The following ILDR2 variants were observed in gnomAD, a reference collection of about 807,000 sequenced individuals.
ILDR2 encodes immunoglobulin-like domain-containing receptor 2.
ILDR2 carries 25 observed loss-of-function variants against 66.8 expected under a neutral mutation model. The observed-to-expected ratio is 0.37, with a 90% CI of 0.27 to 0.52. ILDR2 has a LOEUF of 0.52. Among genes scored for constraint, ILDR2 ranks in the 20% least tolerant of loss-of-function variants. ILDR2 has a pLI of 0.88. For missense variants in ILDR2, 827 were observed against 876.8 expected (o/e 0.94, Z 0.72); for synonymous variants, 367 against 357.2 (o/e 1.03, Z -0.31).
At chr1:166,958,564 T>G (rs1434141512) in intron 1 of ILDR2, among the ~76,000 whole-genome samples, 1 of 152,214 alleles carries the variant, frequency 6.6e-6, no homozygotes, top group Non-Finnish European at 1.5e-5. Flanking sequence ...CCTGTGGAAC[T>G]GTGAGTCAAT....
chr1:166,917,406 G>A lies in ILDR2; in HGVS notation c.*1949C>T, dbSNP rs771985007. Reference sequence around the variant, plus strand: ...TAGAGGAATGGTACTTTGAGAATAGGGTCTAGCCCCAGTAGGGTGGCTCTG... The same window carrying A: ...TAGAGGAATGGTACTTTGAGAATAGAGTCTAGCCCCAGTAGGGTGGCTCTG... On this transcript the variant is annotated 3_prime_UTR_variant, in exon 10 of 10. Coordinates refer to ENST00000271417, the MANE Select transcript of ILDR2 (RefSeq NM_199351.3). 39 of 152,182 alleles carry A rather than the reference G, an allele frequency of 2.6e-4. 2 individuals are homozygous for A. Among genetic ancestry groups the A allele is most frequent in the Admixed American group, 1.3e-4 (2 of 15,270 alleles). 9.4% of individuals were successfully genotyped at this position (152,182 alleles called of 1,614,324 possible).
At chr1:166,931,610 G>A (rs886795826) in intron 6 of ILDR2, among the ~76,000 whole-genome samples, 1 of 152,178 alleles carries the variant, frequency 6.6e-6, no homozygotes, top group Admixed American at 6.5e-5. Flanking sequence ...AGGACCAGGT[G>A]GGAGATGATT....
In ILDR2 at chr1:166,913,758, C is replaced by T. The variant is rs996330996; in HGVS notation, c.*5597G>A. 2 of 152,202 alleles carry T rather than the reference C, an allele frequency of 1.3e-5. No individual in the cohort carries two copies. Among genetic ancestry groups the T allele is most frequent in the Non-Finnish European group, 2.9e-5 (2 of 68,030 alleles). The allele number at this position is 152,202 out of a possible 1,614,324, so 9.4% of individuals were successfully genotyped here. ...AATCTGTCGTTTCATTCAGAAACTT[C>T]TCTGCAAGAAGGATTCTCCAGAAAA... On this transcript the variant is annotated 3_prime_UTR_variant, in exon 10 of 10. Transcript: ENST00000271417.
intron 1 of ILDR2, among the ~76,000 whole-genome samples, chr1:166,961,526 G>C (rs1396109523): frequency 6.6e-6 from 1 of 152,200 alleles, no homozygotes; most frequent in African/African-American, 2.4e-5. Flanking sequence ...TCCTAAGTAA[G>C]AATCCAGGTT....
rs1435715422 is a variant in ILDR2 at position 166,916,158 on chromosome 1, CA to C, written c.*3196del. The C allele has an allele frequency of 1.3e-5, 2 of 152,256 alleles. No homozygotes were observed. The highest frequency in any genetic ancestry group is 2.9e-5 in the Non-Finnish European group (2 of 68,062). 9.4% of individuals were successfully genotyped at this position (152,256 alleles called of 1,614,324 possible). A position where few individuals can be genotyped will look rare whatever the true frequency, so the allele number is the denominator to read the frequency against. On this transcript the variant is annotated 3_prime_UTR_variant, in exon 10 of 10. Coordinates refer to ENST00000271417, the MANE Select transcript of ILDR2 (RefSeq NM_199351.3). The stretch of plus-strand genomic sequence containing the variant: ...AGTAGTGACTCACAGGCAAGCACAG[CA>C]GCTTATGCATCATCCCCCTGGGACC...
chr1:166,957,770 A>T lies in ILDR2; in HGVS notation c.378T>A (p.His126Gln). 1 of 1,603,730 alleles carries T rather than the reference A, an allele frequency of 6.2e-7. No homozygotes were observed. The highest frequency in any genetic ancestry group is 1.1e-5 in the South Asian group (1 of 90,636). The part of the protein sequence containing the change: ...FYRGREITIV[H>Q]DADLQIGKLM... ...GATTCAAAATAGGGGCATTATTACC[A>T]TGAACAATCGTGATCTCTCTGCCCC... The change falls in exon 2 of 10, where the codon CAT becomes CAA. Residue 126 changes from histidine (H) to glutamine (Q), a missense_variant and splice_region_variant. By Grantham distance (24) the His-to-Gln change is conservative. This residue lies in a region of ILDR2 where 437 missense variants were observed against 523.2 expected (regional missense o/e 0.84). Coordinates refer to ENST00000271417, the MANE Select transcript of ILDR2 (RefSeq NM_199351.3).
intron 1 of ILDR2, among the ~76,000 whole-genome samples, chr1:166,965,262 T>C (rs1044734964): frequency 6.6e-6 from 1 of 152,218 alleles, no homozygotes. Flanking sequence ...TTTGCATACA[T>C]ATGAAGAGGT....
At chr1:166,965,576 T>G (rs1221438691) in intron 1 of ILDR2, among the ~76,000 whole-genome samples, 3 of 147,772 alleles carry the variant, frequency 2.0e-5, no homozygotes, top group African/African-American at 5.1e-5. Context: ...TTTTGTTTTT[T>G]TTTTTGTTTT....
intron 2 of ILDR2, among the ~76,000 whole-genome samples, chr1:166,896,491 G>A (rs568523534): frequency 1.7e-4 from 26 of 151,328 alleles, no homozygotes; most frequent in South Asian, 4.2e-4. Flanking sequence ...ACAACTAAGC[G>A]GAAGAATTTT....
chr1:166,934,113 C>T (rs956019236), intron 6 of ILDR2, among the ~76,000 whole-genome samples: 1 of 152,126 alleles, frequency 6.6e-6, no homozygotes, highest in African/African-American at 2.4e-5. Context: ...CAATCCTAAG[C>T]TTCACTGCCC....
chr1:166,922,481 T>A (rs1342921636), intron 8 of ILDR2, 112 bp downstream of exon 8: 1 of 786,546 alleles, frequency 1.3e-6, no homozygotes, highest in Non-Finnish European at 2.2e-6. Flanking sequence ...CAGGATAACC[T>A]GGAATGGGAG....
intron 2 of ILDR2, among the ~76,000 whole-genome samples, chr1:166,896,939 T>A (rs1002378649): frequency 6.6e-6 from 1 of 152,184 alleles, no homozygotes; most frequent in Non-Finnish European, 1.5e-5. Flanking sequence ...CCAGCCTACT[T>A]TTTTTACTTT....
intron 6 of ILDR2, among the ~76,000 whole-genome samples, chr1:166,928,288 G>A (rs1388397039): frequency 6.6e-6 from 1 of 152,154 alleles, no homozygotes; most frequent in East Asian, 1.9e-4. Flanking sequence ...ACTTGCCCAG[G>A]AAAAATTTAG....
Position 166,911,705 on chromosome 1 carries a change from T to C in ILDR2, c.*7650A>G, listed in dbSNP as rs558541436. On this transcript the variant is annotated 3_prime_UTR_variant, in exon 10 of 10. Transcript: ENST00000271417. The stretch of plus-strand genomic sequence containing the variant: ...CACAAGACAACAGGGACTATGTAAA[T>C]TTGAAAAAGAACTAAACTCCTAGAA... 4.1e-5 allele frequency: 6 copies of C among 146,340 alleles called. No individual in the cohort carries two copies. Among genetic ancestry groups the C allele is most frequent in the Non-Finnish European group, 9.0e-5 (6 of 66,516 alleles). 9.1% of individuals were successfully genotyped at this position (146,340 alleles called of 1,614,324 possible).
At chr1:166,935,546 C>G (rs369434130) in intron 5 of ILDR2, 69 bp from the exon 6 acceptor site, 1 of 1,416,300 alleles carries the variant, frequency 7.1e-7, no homozygotes, top group African/African-American at 1.4e-5. Flanking sequence ...CACCAAAAAT[C>G]CCTGAGGATG....
chr1:166,921,234 C>T lies in ILDR2; in HGVS notation c.1357G>A (p.Gly453Ser). The T allele has an allele frequency of 6.3e-7, 1 of 1,595,272 alleles. No individual in the cohort carries two copies. The highest frequency in any genetic ancestry group is 1.3e-5 in the African/African-American group (1 of 74,958). ...RADGNSHEAR[G>S]GSRFERSESR... ...TCCGAGCGCTCGAAGCGGCTCCCGC[C>T]CCGCGCCTCGTGACTGTTGCCGTCT... Residue 453 changes from glycine to serine, a missense_variant, in exon 9 of 10, where the codon GGC becomes AGC. Gly to Ser is a moderately conservative substitution (Grantham distance 56, BLOSUM62 0). Coordinates refer to ENST00000271417, the MANE Select transcript of ILDR2 (RefSeq NM_199351.3). The surrounding 1 kb of genome is among the most constrained non-coding windows in gnomAD (Gnocchi z 5.3).
Position 166,913,755 on chromosome 1 carries a change from C to T in ILDR2, c.*5600G>A, listed in dbSNP as rs964385934. On this transcript the variant is annotated 3_prime_UTR_variant, in exon 10 of 10. Transcript: ENST00000271417. ...ATGAATCTGTCGTTTCATTCAGAAA[C>T]TTCTCTGCAAGAAGGATTCTCCAGA... The T allele has an allele frequency of 1.3e-5, 2 of 152,224 alleles. No homozygotes were observed. The highest frequency in any genetic ancestry group is 4.8e-5 in the African/African-American group (2 of 41,464). 9.4% of individuals were successfully genotyped at this position (152,224 alleles called of 1,614,324 possible). A position where few individuals can be genotyped will look rare whatever the true frequency, so the allele number is the denominator to read the frequency against.
Position 166,957,630 on chromosome 1 carries a change from C to G in ILDR2, c.379+139G>C, listed in dbSNP as rs186439292. On this transcript the variant is annotated intron_variant, in intron 2 of 9. Coordinates refer to ENST00000271417, the MANE Select transcript of ILDR2 (RefSeq NM_199351.3). ...TAGGGCAATGATAGGTCTCTTGATG[C>G]TCCCATTTCCAATAAAATAAAAGTC... 3.0e-5 allele frequency: 21 copies of G among 711,050 alleles called. No homozygotes were observed. The African/African-American group carries it at 3.0e-4, about 10-fold the overall frequency. The allele number at this position is 711,050 out of a possible 1,614,324, so 44.0% of individuals were successfully genotyped here.
At position 166,957,847 on chromosome 1, in the gene ILDR2, G is replaced by A. The variant is rs141350747; in HGVS notation, c.301C>T (p.Arg101Ter). ...GAGCCCTGTTTTGAAGCTACTACTC[G>A]AACAGTCCTCCTGCTGTCCAAACAA... ...LDCLDSRRTV[R>*]VVASKQGSTV... Residue 101 changes from arginine (R) to a stop codon, truncating the protein, a stop_gained, in exon 2 of 10, where the codon CGA becomes TGA. Coordinates refer to ENST00000271417, the MANE Select transcript of ILDR2 (RefSeq NM_199351.3). LOFTEE classifies it high-confidence loss of function. 4 of 1,613,980 alleles carry A rather than the reference G, an allele frequency of 2.5e-6. No homozygotes were observed. Among genetic ancestry groups the A allele is most frequent in the African/African-American group, 1.3e-5 (1 of 74,894 alleles).
Sources: allele counts gnomAD v4.1 joint callset (sites outside exome capture counted in the v4.1 genomes callset), GRCh38; gene constraint gnomAD v4.1.1; regional missense constraint gnomAD v4.1.1; non-coding constraint Gnocchi (gnomAD v3.1); transcripts MANE v1.5; gene names NCBI Gene and HGNC (gene_info 2026-07-23, HGNC 2026-07-21).